The following SCFD1 variants were observed in gnomAD, a reference collection of about 807,000 sequenced individuals.
The protein encoded by SCFD1 is sec1 family domain-containing protein 1.
Under a neutral mutation model 103.2 loss-of-function variants are expected in SCFD1, and 37 were observed. The observed-to-expected ratio is 0.36, with a 90% CI of 0.28 to 0.47. SCFD1 has a LOEUF of 0.47. Among genes scored for constraint, SCFD1 ranks in the 20% least tolerant of loss-of-function variants. The pLI is 1.00. For missense variants in SCFD1, 639 were observed against 761.2 expected (o/e 0.84, Z 1.89); for synonymous variants, 264 against 245.0 (o/e 1.08, Z -0.73).
chr14:30,654,382 A>G (rs1193726017), intron 10 of SCFD1, among the ~76,000 whole-genome samples: 1 of 152,228 alleles, frequency 6.6e-6, no homozygotes, highest in Non-Finnish European at 1.5e-5. Flanking sequence ...TCATATAAAC[A>G]GGGAATGAAA....
At chr14:30,712,924 G>GA (rs1453959707) in intron 19 of SCFD1, among the ~76,000 whole-genome samples, 5 of 152,084 alleles carry the variant, frequency 3.3e-5, no homozygotes, top group African/African-American at 9.7e-5. Flanking sequence ...CCCTTTTACT[G>GA]AAGCACACAG....
chr14:30,661,265 T>G (rs937811556), intron 10 of SCFD1, among the ~76,000 whole-genome samples: 1 of 152,150 alleles, frequency 6.6e-6, no homozygotes, highest in Non-Finnish European at 1.5e-5. Context: ...CTACTCGAGT[T>G]TCGTTTGAGA....
At chr14:30,660,173 TCCTC>T (rs1887308566) in intron 10 of SCFD1, among the ~76,000 whole-genome samples, 1 of 152,152 alleles carries the variant, frequency 6.6e-6, no homozygotes, top group Admixed American at 6.5e-5. Context: ...ATCTCTCAGT[TCCTC>T]CCTCCTCACT....
rs769175383 is a variant in SCFD1 at position 30,673,292 on chromosome 14, A to G, written c.1031A>G (p.Glu344Gly). ...FPEVAESVQQ[E>G]LESYRAQEDE... is the part of the protein sequence containing the mutation. ...GAAGTTGCAGAATCAGTTCAGCAAG[A>G]ACTAGAATCTTACAGAGCACAGGAA... The change falls in exon 12 of 25, where the codon GAA (glutamate) becomes GGA (glycine). Residue 344 changes from glutamate to glycine, a missense_variant. Transcript: ENST00000458591. 9 of 1,600,116 alleles carry G rather than the reference A, an allele frequency of 5.6e-6. No individual in the cohort carries two copies. In the Admixed American group the frequency reaches 1.4e-4, roughly 24 times the overall value.
intron 24 of SCFD1, 45 bp from the exon 25 acceptor site, chr14:30,735,541 G>T (rs573723210): frequency 1.5e-6 from 2 of 1,342,802 alleles, no homozygotes; most frequent in Non-Finnish European, 2.1e-6. Flanking sequence ...TTTCTTTTAT[G>T]ATCTTTTTTA....
intron 14 of SCFD1, among the ~76,000 whole-genome samples, chr14:30,680,829 T>C (rs1889409694): frequency 6.6e-6 from 1 of 152,188 alleles, no homozygotes; most frequent in Non-Finnish European, 1.5e-5. Flanking sequence ...TTTTTCTTTG[T>C]TGATGTCCTG....
In SCFD1 at chr14:30,622,436, C is replaced by G. The variant is rs374524383; in HGVS notation, c.61+37C>G. The G allele has an allele frequency of 2.3e-5, 35 of 1,549,298 alleles. No individual in the cohort carries two copies. The African/African-American group carries it at 4.5e-4, about 20-fold the overall frequency. On this transcript the variant is annotated intron_variant, in intron 1 of 24. Transcript: ENST00000458591. ...TTCTCTTCTCCTTGAAGCTTCGTGA[C>G]TGCCCCGACGACATCCTTCTCCTCT...
chr14:30,735,058 T>C (rs959553512), intron 24 of SCFD1, 200 bp downstream of exon 24: 40 of 492,888 alleles, frequency 8.1e-5, no homozygotes, highest in East Asian at 6.0e-4. Context: ...AGTTTGCCCA[T>C]CCTTCCAGAA....
At chr14:30,648,211 A>G (rs1886043222) in intron 7 of SCFD1, among the ~76,000 whole-genome samples, 1 of 152,102 alleles carries the variant, frequency 6.6e-6, no homozygotes, top group African/African-American at 2.4e-5. Flanking sequence ...GTTAATTTAA[A>G]TTTTTTATTA....
chr14:30,703,950 T>TAG (rs1891277436), intron 17 of SCFD1, among the ~76,000 whole-genome samples: 1 of 58,428 alleles, frequency 1.7e-5, no homozygotes, highest in African/African-American at 1.8e-4. Flanking sequence ...TATATATATA[T>TAG]ATATATATAT....
At chr14:30,681,677 A>G (rs1889496856) in intron 14 of SCFD1, among the ~76,000 whole-genome samples, 2 of 150,732 alleles carry the variant, frequency 1.3e-5, no homozygotes. Flanking sequence ...GAGAGAGATG[A>G]TTAAGATAAA....
chr14:30,705,773 A>T, intron 17 of SCFD1, 50 bp from the exon 18 acceptor site: 1 of 1,371,838 alleles, frequency 7.3e-7, no homozygotes, highest in South Asian at 1.2e-5. Flanking sequence ...CGTGACACCC[A>T]GAGTTAGTTC....
chr14:30,625,907 A>G (rs1013438536), intron 1 of SCFD1, among the ~76,000 whole-genome samples: 2 of 152,052 alleles, frequency 1.3e-5, no homozygotes, highest in Non-Finnish European at 2.9e-5. Context: ...AGCATACTAA[A>G]CACCTGAGGC....
intron 17 of SCFD1, among the ~76,000 whole-genome samples, chr14:30,702,982 T>A (rs1594732840): frequency 6.6e-6 from 1 of 151,604 alleles, no homozygotes; most frequent in Non-Finnish European, 1.5e-5. Context: ...TTCTGCAAGA[T>A]AAATACAGTC....
At chr14:30,684,802 T>A (rs1280320257) in intron 14 of SCFD1, among the ~76,000 whole-genome samples, 1 of 118,150 alleles carries the variant, frequency 8.5e-6, no homozygotes, top group Non-Finnish European at 1.6e-5. Flanking sequence ...TGCAATTGTT[T>A]CTTTTTTTTT....
intron 23 of SCFD1, among the ~76,000 whole-genome samples, chr14:30,725,048 T>C (rs1196089256): frequency 6.6e-6 from 1 of 152,174 alleles, no homozygotes; most frequent in Non-Finnish European, 1.5e-5. Flanking sequence ...TGTAGGTCTG[T>C]TTTTGTACCA....
chr14:30,733,056 A>C (rs1893592891), intron 23 of SCFD1, among the ~76,000 whole-genome samples: 1 of 148,008 alleles, frequency 6.8e-6, no homozygotes, highest in South Asian at 2.1e-4. Context: ...CCCAGGCTGG[A>C]GTGCAGTGGC....
chr14:30,712,434 TAA>T (rs1891949023), intron 19 of SCFD1, among the ~76,000 whole-genome samples: 1 of 152,194 alleles, frequency 6.6e-6, no homozygotes, highest in Non-Finnish European at 1.5e-5. Flanking sequence ...TGGCTAATTC[TAA>T]GAGAACTCAA....
At chr14:30,681,800 T>C (rs530078652) in intron 14 of SCFD1, among the ~76,000 whole-genome samples, 3 of 152,282 alleles carry the variant, frequency 2.0e-5, no homozygotes, top group South Asian at 2.1e-4. Context: ...AATTAAGTGA[T>C]GTAATGAGGT....
Sources: gnomAD v4.1 joint callset for allele counts (sites outside exome capture counted in the v4.1 genomes callset) on GRCh38, gnomAD v4.1.1 for gene constraint, MANE v1.5 for transcripts, NCBI Gene and HGNC (gene_info 2026-07-23, HGNC 2026-07-21) for gene names.